The following CD53 variants were observed in gnomAD, a reference collection of about 807,000 sequenced individuals.
CD53 encodes CD53 molecule.
In CD53, 20 loss-of-function variants were observed where a neutral mutation model predicts 27.3. The observed-to-expected ratio is 0.73, with a 90% CI of 0.52 to 1.07. The LOEUF (loss-of-function observed/expected upper bound fraction) is 1.07, where lower values mean the gene tolerates loss of function less well. Among genes scored for constraint, CD53 ranks in the 50% least tolerant of loss-of-function variants. The pLI is 0.00. For synonymous variants in CD53, 106 were observed against 105.3 expected, an observed-to-expected ratio of 1.01 and a Z score of -0.04; for missense variants, 216 against 264.0, an observed-to-expected ratio of 0.82 and a Z score of 1.26.
At chr1:110,889,727 C>A (rs1339047686) in intron 1 of CD53, among the ~76,000 whole-genome samples, 1 of 152,044 alleles carries the variant, frequency 6.6e-6, no homozygotes, top group African/African-American at 2.4e-5. Flanking sequence ...GAAATTGTGA[C>A]TGGAACTGTT....
Position 110,892,534 on chromosome 1 carries a change from G to A in CD53, c.252+1G>A. 1 of 1,612,524 alleles carries A rather than the reference G, an allele frequency of 6.2e-7. No individual in the cohort carries two copies. The highest frequency in any genetic ancestry group is 2.2e-5 in the East Asian group (1 of 44,864). On this transcript the variant is annotated splice_donor_variant, in intron 3 of 7. Coordinates refer to ENST00000271324, the MANE Select transcript of CD53 (RefSeq NM_000560.4). LOFTEE classifies it high-confidence loss of function. ...GGAAAACAAGTGTCTGCTTATGTCG[G>A]TGAGTCCTTACAGCAGATGTGGTGC... is the stretch of plus-strand genomic sequence containing the variant.
At chr1:110,871,640 A>G (rs17026570), upstream of CD53, among the ~76,000 whole-genome samples, 4,796 of 152,230 alleles carry the variant, frequency 0.032, 98 homozygotes, top group South Asian at 0.066. Flanking sequence ...GGGTGAGATA[A>G]TTAGGAAAAT....
chr1:110,891,434 T>C lies in CD53; in HGVS notation c.26T>C (p.Leu9Pro). 6.2e-7 allele frequency: 1 copy of C among 1,614,030 alleles called. No individual in the cohort carries two copies. Among genetic ancestry groups the C allele is most frequent in the Non-Finnish European group, 8.5e-7 (1 of 1,179,860 alleles). The change falls in exon 2 of 8, where the codon CTG becomes CCG. Residue 9 changes from leucine to proline, a missense_variant. By Grantham distance (98) the Leu-to-Pro change is moderately conservative. Transcript: ENST00000271324. ...ATGGGCATGAGTAGCTTGAAACTGCTGAAGTATGTCCTGTTTTTCTTCAAC... is the reference window on the plus strand; with the variant it reads ...ATGGGCATGAGTAGCTTGAAACTGCCGAAGTATGTCCTGTTTTTCTTCAAC... Reference protein sequence around the residue: MGMSSLKLLKYVLFFFNLL... With the variant: MGMSSLKLPKYVLFFFNLL...
In CD53 at chr1:110,876,126, C is replaced by A. The variant is rs896866360; in HGVS notation, c.-18+2878C>A. ...AGCGAAGTTAGAGATTATTTAGATT[C>A]AAATAAAGTATCTTAACTCACAATG... On this transcript the variant is annotated intron_variant, in intron 1 of 7. Coordinates refer to ENST00000271324, the MANE Select transcript of CD53 (RefSeq NM_000560.4). Among the ~76,000 whole-genome samples the A allele has an allele frequency of 4.6e-5, 7 of 152,282 alleles. No individual in the cohort carries two copies. The South Asian group carries it at 1.4e-3, about 32-fold the overall frequency.
chr1:110,873,044 A>G (rs1301069493), upstream of CD53: 1 of 152,616 alleles, frequency 6.6e-6, no homozygotes, highest in African/African-American at 2.4e-5. Flanking sequence ...TAAATCTCTG[A>G]GACTAAAGAG....
At chr1:110,898,588 C>A (rs911789381) in intron 7 of CD53, among the ~76,000 whole-genome samples, 1 of 151,996 alleles carries the variant, frequency 6.6e-6, no homozygotes, top group South Asian at 2.1e-4. Flanking sequence ...AAATTGTAAT[C>A]AATTTCCTCT....
At chr1:110,875,595 A>G (rs1389722) in intron 1 of CD53, among the ~76,000 whole-genome samples, 111,490 of 152,060 alleles carry the variant, frequency 0.73, 43,010 homozygotes, top group Non-Finnish European at 0.85. Context: ...TTCTTGTACC[A>G]AGCAAGCATC....
intron 5 of CD53, among the ~76,000 whole-genome samples, chr1:110,895,738 A>T (rs111783441): frequency 4.0e-4 from 61 of 152,308 alleles, no homozygotes; most frequent in African/African-American, 1.5e-3. Flanking sequence ...ACTTTTTATT[A>T]CATAATTTTT....
chr1:110,877,917 G>A (rs923825947), intron 1 of CD53, among the ~76,000 whole-genome samples: 5 of 152,148 alleles, frequency 3.3e-5, no homozygotes, highest in African/African-American at 1.2e-4. Context: ...GAGTTCAAAC[G>A]AGCTGATGAA....
At chr1:110,893,940 C>A (rs1239208544) in intron 3 of CD53, among the ~76,000 whole-genome samples, 1 of 152,224 alleles carries the variant, frequency 6.6e-6, no homozygotes, top group Non-Finnish European at 1.5e-5. Flanking sequence ...AGCAGTCCTC[C>A]ACCCAGAGGT....
At chr1:110,896,956 C>CT (rs1657092156) in intron 6 of CD53, among the ~76,000 whole-genome samples, 1 of 152,176 alleles carries the variant, frequency 6.6e-6, no homozygotes, top group Non-Finnish European at 1.5e-5. Flanking sequence ...CTACACTAGA[C>CT]TATTACATTA....
At chr1:110,871,621 C>A (rs894505604), upstream of CD53, among the ~76,000 whole-genome samples, 2 of 151,984 alleles carry the variant, frequency 1.3e-5, no homozygotes, top group African/African-American at 4.8e-5. Flanking sequence ...TAATTAGAGC[C>A]ATCAGAATGG....
chr1:110,893,654 G>A (rs557581362), intron 3 of CD53, among the ~76,000 whole-genome samples: 1 of 152,352 alleles, frequency 6.6e-6, no homozygotes, highest in Admixed American at 6.5e-5. Context: ...GGAGCCAAGA[G>A]AAAGAATTTT....
intron 1 of CD53, among the ~76,000 whole-genome samples, chr1:110,880,655 C>T (rs1187925716): frequency 6.6e-6 from 1 of 152,094 alleles, no homozygotes; most frequent in Middle Eastern, 3.2e-3. Flanking sequence ...AATTCAAGCC[C>T]AAGGCTCCTG....
At chr1:110,884,881 G>A (rs186257593) in intron 1 of CD53, among the ~76,000 whole-genome samples, 111 of 151,832 alleles carry the variant, frequency 7.3e-4, no homozygotes, top group African/African-American at 2.6e-3. Context: ...ATTGGGTCTT[G>A]TTTTTTCAAT....
At chr1:110,874,970 A>G (rs1313045317) in intron 1 of CD53, among the ~76,000 whole-genome samples, 1 of 152,212 alleles carries the variant, frequency 6.6e-6, no homozygotes, top group Non-Finnish European at 1.5e-5. Flanking sequence ...AAGGAGTTGT[A>G]GAGTTTATTA....
chr1:110,889,028 G>A (rs1656739879), intron 1 of CD53, among the ~76,000 whole-genome samples: 1 of 152,202 alleles, frequency 6.6e-6, no homozygotes, highest in South Asian at 2.1e-4. Flanking sequence ...ATTGATTGAT[G>A]TAGCTTGTGC....
At chr1:110,884,307 G>C (rs1316042227) in intron 1 of CD53, among the ~76,000 whole-genome samples, 2 of 151,986 alleles carry the variant, frequency 1.3e-5, no homozygotes, top group Non-Finnish European at 2.9e-5. Flanking sequence ...CCAATTTGAG[G>C]AAACTTTCTA....
intron 4 of CD53, 100 bp from the exon 5 acceptor site, chr1:110,894,860 G>A (rs1570911649): frequency 1.2e-6 from 1 of 848,330 alleles, no homozygotes; most frequent in East Asian, 2.5e-5. Flanking sequence ...CATTTGGAAG[G>A]GAAGCGCAAG....
Sources: gnomAD v4.1 joint callset for allele counts (sites outside exome capture counted in the v4.1 genomes callset) on GRCh38, gnomAD v4.1.1 for gene constraint, MANE v1.5 for transcripts, NCBI Gene and HGNC (gene_info 2026-07-23, HGNC 2026-07-21) for gene names.